The following PTPRT variants were observed in gnomAD, a reference collection of about 807,000 sequenced individuals.
PTPRT encodes the protein protein tyrosine phosphatase receptor type T.
A neutral mutation model predicts 176.8 loss-of-function variants in PTPRT; 56 were observed. That is an observed-to-expected ratio of 0.32 (90% CI 0.26 to 0.40). PTPRT has a LOEUF of 0.40. Ranked by LOEUF, PTPRT falls within the 10% of genes least tolerant of loss-of-function variation. The probability of loss-of-function intolerance (pLI) is 1.00; values close to 1 mark genes in which losing one functional copy is unlikely to be tolerated. For missense variants in PTPRT, 1,540 were observed against 1,908.2 expected, an observed-to-expected ratio of 0.81 and a Z score of 3.60; for synonymous variants, 783 against 739.0, an observed-to-expected ratio of 1.06 and a Z score of -0.96.
intron 8 of PTPRT, among the ~76,000 whole-genome samples, chr20:42,452,079 G>A (rs2070841013): frequency 6.6e-6 from 1 of 152,092 alleles, no homozygotes; most frequent in Non-Finnish European, 1.5e-5. Flanking sequence ...GACCATCCTG[G>A]CCAACATGGT....
In PTPRT at chr20:42,072,999, T is replaced by C. The variant is rs917197220; in HGVS notation, c.*7880A>G. On this transcript the variant is annotated 3_prime_UTR_variant, in exon 31 of 31. Transcript: ENST00000373187. ...GAAAAAAAAAACATTGACAGCACAG[T>C]GCTGGCTTTTTTAAAAAGTTGATTT... is the stretch of plus-strand genomic sequence containing the variant. The C allele has an allele frequency of 8.9e-6, 2 of 223,936 alleles. No homozygotes were observed. Among genetic ancestry groups the C allele is most frequent in the Non-Finnish European group, 1.8e-5 (2 of 111,990 alleles). The allele number at this position is 223,936 out of a possible 1,614,324, so 13.9% of individuals were successfully genotyped here. A position where few individuals can be genotyped will look rare whatever the true frequency, so the allele number is the denominator to read the frequency against.
intron 1 of PTPRT, among the ~76,000 whole-genome samples, chr20:43,107,627 C>T (rs1373889933): frequency 7.2e-5 from 11 of 152,194 alleles, no homozygotes; most frequent in Admixed American, 7.2e-4. Context: ...TTGTTCTCAG[C>T]TTAAAGGATC....
At chr20:43,125,645 G>A (rs1433504840) in intron 1 of PTPRT, among the ~76,000 whole-genome samples, 5 of 152,196 alleles carry the variant, frequency 3.3e-5, no homozygotes, top group African/African-American at 1.2e-4. Flanking sequence ...AAGCAATTGT[G>A]TGTATTACTG....
At chr20:42,882,747 T>C (rs1440345734) in intron 2 of PTPRT, among the ~76,000 whole-genome samples, 9 of 152,204 alleles carry the variant, frequency 5.9e-5, no homozygotes, top group Non-Finnish European at 8.8e-5. Flanking sequence ...CCCATTCACA[T>C]AGAACTTCTC....
At chr20:42,945,036 GT>G (rs1273768068) in intron 1 of PTPRT, among the ~76,000 whole-genome samples, 1 of 149,786 alleles carries the variant, frequency 6.7e-6, no homozygotes, top group Non-Finnish European at 1.5e-5. Context: ...AAAATGTTGT[GT>G]GTGTGTGTGT....
At position 42,571,935 on chromosome 20, in the gene PTPRT, C is replaced by T. The variant is rs558374319; in HGVS notation, c.1154-99373G>A. Among the ~76,000 whole-genome samples, 226 of 152,306 alleles carry T rather than the reference C, an allele frequency of 1.5e-3. 2 individuals are homozygous for T. Among genetic ancestry groups the T allele is most frequent in the African/African-American group, 5.1e-3 (214 of 41,560 alleles). On this transcript the variant is annotated intron_variant, in intron 7 of 30. Transcript: ENST00000373187. ...TCAGCCAGGAGAATCTCATTAACACCTGAGTTAGAGCCTGGTGCTCTCCTG... is the reference window on the plus strand; with the variant it reads ...TCAGCCAGGAGAATCTCATTAACACTTGAGTTAGAGCCTGGTGCTCTCCTG...
intron 9 of PTPRT, among the ~76,000 whole-genome samples, chr20:42,435,626 T>C (rs6030233): frequency 6.6e-6 from 1 of 152,080 alleles, no homozygotes; most frequent in East Asian, 1.9e-4. Flanking sequence ...AGCTCTAAAA[T>C]TAAGGTAATA....
chr20:42,118,844 GT>G (rs1347903789), intron 20 of PTPRT, among the ~76,000 whole-genome samples: 3 of 151,698 alleles, frequency 2.0e-5, no homozygotes, highest in African/African-American at 7.3e-5. Flanking sequence ...GCTTAAGGGA[GT>G]TTTCGAAAAT....
At chr20:42,834,222 T>C (rs1307886557) in intron 2 of PTPRT, among the ~76,000 whole-genome samples, 2 of 152,130 alleles carry the variant, frequency 1.3e-5, no homozygotes, top group Non-Finnish European at 1.5e-5. Flanking sequence ...AAAGAAGATG[T>C]ACAGAAAGCA....
At position 42,780,279 on chromosome 20, in the gene PTPRT, T is replaced by C. The variant is rs756843177; in HGVS notation, c.507A>G (p.Ser169=). The part of the protein sequence containing the change: ...HFYQVIFESV[S]LKGHPGYIAV... The stretch of plus-strand genomic sequence containing the variant: ...CGATGTAGCCAGGATGACCCTTCAA[T>C]GAGACGGATTCAAATATCACCTGCA... Residue 169 remains serine (S), a synonymous_variant, in exon 4 of 31, where the codon TCA becomes TCG. Transcript: ENST00000373187. 6.2e-7 allele frequency: 1 copy of C among 1,614,032 alleles called. No individual in the cohort carries two copies. Among genetic ancestry groups the C allele is most frequent in the Non-Finnish European group, 8.5e-7 (1 of 1,179,936 alleles).
At chr20:43,103,997 C>CA (rs1320891852) in intron 1 of PTPRT, among the ~76,000 whole-genome samples, 1 of 152,116 alleles carries the variant, frequency 6.6e-6, no homozygotes, top group Non-Finnish European at 1.5e-5. Flanking sequence ...ACGCGCTTGC[C>CA]ACAGTAATTG....
intron 7 of PTPRT, among the ~76,000 whole-genome samples, chr20:42,656,191 C>T (rs2044037409): frequency 6.6e-6 from 1 of 152,092 alleles, no homozygotes; most frequent in Admixed American, 6.5e-5. Context: ...ATGGCCTTTT[C>T]TTCCTTAAGA....
chr20:42,640,738 A>G (rs2074726709), intron 7 of PTPRT, among the ~76,000 whole-genome samples: 1 of 152,104 alleles, frequency 6.6e-6, no homozygotes, highest in South Asian at 2.1e-4. Flanking sequence ...GAGATGTTTG[A>G]AATTAGTGGA....
At chr20:43,178,509 A>G (rs1440412374) in intron 1 of PTPRT, among the ~76,000 whole-genome samples, 1 of 152,236 alleles carries the variant, frequency 6.6e-6, no homozygotes, top group Non-Finnish European at 1.5e-5. Context: ...TAAATGGACA[A>G]TCTTAGGCAG....
At chr20:42,537,383 G>A (rs2072495458) in intron 7 of PTPRT, among the ~76,000 whole-genome samples, 1 of 152,154 alleles carries the variant, frequency 6.6e-6, no homozygotes, top group South Asian at 2.1e-4. Context: ...GTTATAATCT[G>A]TCAGGTGTTG....
At chr20:42,541,977 G>A (rs966182091) in intron 7 of PTPRT, among the ~76,000 whole-genome samples, 3 of 152,104 alleles carry the variant, frequency 2.0e-5, no homozygotes, top group Non-Finnish European at 4.4e-5. Flanking sequence ...GACCTGATGG[G>A]AAAAAATTGA....
At chr20:42,933,687 C>A (rs751452521) in intron 1 of PTPRT, among the ~76,000 whole-genome samples, 9 of 152,194 alleles carry the variant, frequency 5.9e-5, no homozygotes, top group Admixed American at 5.9e-4. Context: ...CCAGCTCATG[C>A]CACCAACCGG....
the PTPRT span, among the ~76,000 whole-genome samples, chr20:42,047,193 G>T: frequency 6.6e-6 from 1 of 152,176 alleles, no homozygotes. Flanking sequence ...AAGATCTTTG[G>T]TACAGCCTAT....
chr20:42,641,467 G>C (rs531701610), intron 7 of PTPRT, among the ~76,000 whole-genome samples: 2 of 152,008 alleles, frequency 1.3e-5, no homozygotes, highest in African/African-American at 2.4e-5. Context: ...TCGCTCCCTC[G>C]CCTGAAAATC....
Sources: allele counts gnomAD v4.1 joint callset (sites outside exome capture counted in the v4.1 genomes callset), GRCh38; gene constraint gnomAD v4.1.1; transcripts MANE v1.5; gene names NCBI Gene and HGNC (gene_info 2026-07-23, HGNC 2026-07-21).